Variants in RFTN1 observed in about 807,000 individuals in gnomAD.
RFTN1 encodes the protein raftlin, lipid raft linker 1.
In RFTN1, 26 loss-of-function variants were observed where a neutral mutation model predicts 46.5. The ratio of observed to expected loss-of-function variants is 0.56; its 90% CI spans 0.41 to 0.78. The LOEUF (loss-of-function observed/expected upper bound fraction) is 0.78. Ranked by LOEUF, RFTN1 falls within the 30% of genes least tolerant of loss-of-function variation. RFTN1 has a pLI of 0.00. For synonymous variants in RFTN1, 261 were observed against 284.2 expected (o/e 0.92, Z 0.82); for missense variants, 693 against 718.7 (o/e 0.96, Z 0.41).
chr3:16,472,562 G>A (rs1394692094), intron 2 of RFTN1: 1 of 152,298 alleles, frequency 6.6e-6, no homozygotes, highest in Non-Finnish European at 1.5e-5. Flanking sequence ...ACAGGTGTAT[G>A]GTGGGAGGAC....
chr3:16,511,454 A>C (rs2076900273), intron 1 of RFTN1, among the ~76,000 whole-genome samples: 1 of 152,208 alleles, frequency 6.6e-6, no homozygotes, highest in African/African-American at 2.4e-5. Flanking sequence ...GGAGGTGTGT[A>C]GTTAAGCAAA....
intron 2 of RFTN1, among the ~76,000 whole-genome samples, chr3:16,488,003 C>T (rs1173459070): frequency 6.6e-6 from 1 of 152,146 alleles, no homozygotes; most frequent in Non-Finnish European, 1.5e-5. Context: ...TTCGCCTCTG[C>T]CAGCCCCACA....
chr3:16,328,532 C>G (rs2069963170), intron 7 of RFTN1, among the ~76,000 whole-genome samples: 1 of 152,192 alleles, frequency 6.6e-6, no homozygotes, highest in Non-Finnish European at 1.5e-5. Context: ...TCACCTGAAC[C>G]CTTGGCGACT....
rs1203196781 is a variant in RFTN1, at chr3:16,447,512, G to C, written c.146-13475C>G. Among the ~76,000 whole-genome samples the C allele has an allele frequency of 6.6e-6, 1 of 152,198 alleles. No individual in the cohort carries two copies. Among genetic ancestry groups the C allele is most frequent in the African/African-American group, 2.4e-5 (1 of 41,446 alleles). ...TAAGAGATGGCATTTAGGATGCCTT[G>C]GGATTCTGCTTTTCAGAGGCATTTT... On this transcript the variant is annotated intron_variant, in intron 2 of 9. Coordinates refer to ENST00000334133, the MANE Select transcript of RFTN1 (RefSeq NM_015150.2). The surrounding 1 kb of genome is among the most constrained non-coding windows in gnomAD (Gnocchi z 5.9).
Position 16,504,126 on chromosome 3 carries a change from A to G in RFTN1, c.-9+9316T>C, listed in dbSNP as rs1238060080. ...TACATTTTTTAATGGCATGCCCTAGACTAAAAAAAAAATACCCAATAGTTC... is the reference window on the plus strand; with the variant it reads ...TACATTTTTTAATGGCATGCCCTAGGCTAAAAAAAAAATACCCAATAGTTC... On this transcript the variant is annotated intron_variant, in intron 1 of 9. Transcript: ENST00000334133. The surrounding 1 kb of genome is among the most constrained non-coding windows in gnomAD (Gnocchi z 4.4). Among the ~76,000 whole-genome samples the G allele has an allele frequency of 6.0e-5, 8 of 133,492 alleles. No individual in the cohort carries two copies. The highest frequency in any genetic ancestry group is 1.0e-4 in the Non-Finnish European group (6 of 59,638). 87.6% of individuals were successfully genotyped at this position (133,492 alleles called of 152,430 possible).
In RFTN1 at chr3:16,424,743, T is replaced by A. The variant is rs2075258397; in HGVS notation, c.332+9108A>T. Among the ~76,000 whole-genome samples, 1 of 152,214 alleles carries A rather than the reference T, an allele frequency of 6.6e-6. No individual in the cohort carries two copies. The highest frequency in any genetic ancestry group is 2.4e-5 in the African/African-American group (1 of 41,468). On this transcript the variant is annotated intron_variant, in intron 3 of 9. Transcript: ENST00000334133. This position sits in a 1 kb window ranked among gnomAD's most constrained non-coding sequence, Gnocchi z 4.7. Reference sequence around the variant, plus strand: ...TTTCAATCATTTAAAATATAAAATTTGGACAGATTTTAGAGACAATCATTA... The same window carrying A: ...TTTCAATCATTTAAAATATAAAATTAGGACAGATTTTAGAGACAATCATTA...
intron 4 of RFTN1, among the ~76,000 whole-genome samples, chr3:16,393,357 A>G (rs866430136): frequency 2.0e-5 from 3 of 152,216 alleles, no homozygotes. Context: ...GAGTGGGACC[A>G]ATATTCACTA....
intron 2 of RFTN1, among the ~76,000 whole-genome samples, chr3:16,441,203 G>T (rs1212640798): frequency 2.0e-5 from 3 of 150,922 alleles, no homozygotes; most frequent in Non-Finnish European, 2.9e-5. Context: ...AGGTATTTTG[G>T]GTGGCATGAG....
Position 16,348,410 on chromosome 3 carries a change from C to T in RFTN1, c.1146+9522G>A, listed in dbSNP as rs895202599. On this transcript the variant is annotated intron_variant, in intron 7 of 9. Coordinates refer to ENST00000334133, the MANE Select transcript of RFTN1 (RefSeq NM_015150.2). The surrounding 1 kb of genome is among the most constrained non-coding windows in gnomAD (Gnocchi z 6.3). ...CCTTCTCTTCCAGCTGGCCTCTGCT[C>T]CTGTCACTTCCCACAGCAGGAAGCC... Among the ~76,000 whole-genome samples, 1 of 152,134 alleles carries T rather than the reference C, an allele frequency of 6.6e-6. No individual in the cohort carries two copies. Among genetic ancestry groups the T allele is most frequent in the Non-Finnish European group, 1.5e-5 (1 of 68,018 alleles).
At chr3:16,357,358 C>T (rs2072522731) in intron 7 of RFTN1, among the ~76,000 whole-genome samples, 1 of 152,202 alleles carries the variant, frequency 6.6e-6, no homozygotes, top group South Asian at 2.1e-4. Context: ...CCCCTTCCCA[C>T]AGCAATTTGG....
intron 4 of RFTN1, among the ~76,000 whole-genome samples, chr3:16,379,324 GTCT>G (rs1424276239): frequency 6.6e-6 from 1 of 152,242 alleles, no homozygotes; most frequent in African/African-American, 2.4e-5. Flanking sequence ...ATGCAGTCCA[GTCT>G]TTAAATCCTA....
In RFTN1 at chr3:16,342,401, TCATATGGATATAC is replaced by T; in HGVS notation, c.1146+15518_1147-15526del. Among the ~76,000 whole-genome samples the T allele has an allele frequency of 6.6e-6, 1 of 152,368 alleles. No individual in the cohort carries two copies. Among genetic ancestry groups the T allele is most frequent in the East Asian group, 1.9e-4 (1 of 5,194 alleles). ...CTTTTTATTGCAAAATAATATTCCA[TCATATGGATATAC>T]CATAGTTTATTCATCATTTGATGAA... On this transcript the variant is annotated intron_variant, in intron 7 of 9. Transcript: ENST00000334133. The surrounding 1 kb of genome is among the most constrained non-coding windows in gnomAD (Gnocchi z 4.0).
chr3:16,356,936 G>A lies in RFTN1; in HGVS notation c.1146+996C>T, dbSNP rs1559854095. ...TTGAGACCAGCCTGGCCAACGTGGT[G>A]AAACCCTGTCTTTACTAAAAATACA... On this transcript the variant is annotated intron_variant, in intron 7 of 9. Coordinates refer to ENST00000334133, the MANE Select transcript of RFTN1 (RefSeq NM_015150.2). The surrounding 1 kb of genome is among the most constrained non-coding windows in gnomAD (Gnocchi z 4.9). 6.6e-6 allele frequency among the ~76,000 whole-genome samples: 1 copy of A among 152,124 alleles called. No individual in the cohort carries two copies. Among genetic ancestry groups the A allele is most frequent in the Non-Finnish European group, 1.5e-5 (1 of 68,004 alleles).
chr3:16,464,962 GC>G (rs985903007), intron 2 of RFTN1, among the ~76,000 whole-genome samples: 8 of 152,144 alleles, frequency 5.3e-5, no homozygotes, highest in African/African-American at 1.7e-4. Flanking sequence ...TCTTATTCCA[GC>G]CATCTCCCCA....
intron 1 of RFTN1, among the ~76,000 whole-genome samples, chr3:16,505,190 G>A (rs572087884): frequency 2.0e-5 from 3 of 152,294 alleles, no homozygotes; most frequent in African/African-American, 7.2e-5. Context: ...CACATCTGCT[G>A]TGCAGCTTGG....
chr3:16,382,383 T>C lies in RFTN1; in HGVS notation c.442-4281A>G, dbSNP rs1406472761. Among the ~76,000 whole-genome samples the C allele has an allele frequency of 6.6e-6, 1 of 152,242 alleles. No individual in the cohort carries two copies. Among genetic ancestry groups the C allele is most frequent in the Non-Finnish European group, 1.5e-5 (1 of 68,052 alleles). ...AGAAAGTCATTTGACCGTGTACTTA[T>C]GGCTAAAGTAAATCCTGCTTCTCAT... On this transcript the variant is annotated intron_variant, in intron 4 of 9. Transcript: ENST00000334133. This position sits in a 1 kb window ranked among gnomAD's most constrained non-coding sequence, Gnocchi z 4.7.
In RFTN1 at chr3:16,458,253, C is replaced by T. The variant is rs1199487830; in HGVS notation, c.146-24216G>A. 6.6e-6 allele frequency among the ~76,000 whole-genome samples: 1 copy of T among 152,128 alleles called. No homozygotes were observed. The highest frequency in any genetic ancestry group is 6.5e-5 in the Admixed American group (1 of 15,278). ...AAGGAAACAAGATGAGATGATTAGA[C>T]AATAGAGGTGTACAAAGCCAGCAGG... On this transcript the variant is annotated intron_variant, in intron 2 of 9. Transcript: ENST00000334133. This position sits in a 1 kb window ranked among gnomAD's most constrained non-coding sequence, Gnocchi z 5.1.
intron 8 of RFTN1, 22 bp from the exon 9 acceptor site, chr3:16,323,479 A>G: frequency 6.3e-7 from 1 of 1,593,004 alleles, no homozygotes; most frequent in Non-Finnish European, 8.6e-7. Context: ...GGAGCTGAGA[A>G]TGAGCCACTT....
At position 16,479,760 on chromosome 3, in the gene RFTN1, C is replaced by T. The variant is rs1457336202; in HGVS notation, c.145+13965G>A. ...TGATTGAGGTACCTTTTCCAAGCTG[C>T]AGTTTGGTTGGTGGGTCCAAAGATT... On this transcript the variant is annotated intron_variant, in intron 2 of 9. Transcript: ENST00000334133. The surrounding 1 kb of genome is among the most constrained non-coding windows in gnomAD (Gnocchi z 5.1). Among the ~76,000 whole-genome samples the T allele has an allele frequency of 6.6e-6, 1 of 152,224 alleles. No homozygotes were observed. Among genetic ancestry groups the T allele is most frequent in the Non-Finnish European group, 1.5e-5 (1 of 68,040 alleles).
Sources: allele counts gnomAD v4.1 joint callset (sites outside exome capture counted in the v4.1 genomes callset), GRCh38; gene constraint gnomAD v4.1.1; non-coding constraint Gnocchi (gnomAD v3.1); transcripts MANE v1.5; gene names NCBI Gene and HGNC (gene_info 2026-07-23, HGNC 2026-07-21).